EGFLAM: variants seen among roughly 807,000 people sequenced by gnomAD.
EGFLAM encodes EGF like, fibronectin type III and laminin G domains, also known as pikachurin.
A neutral mutation model predicts 113.1 loss-of-function variants in EGFLAM; 79 were observed. That is an observed-to-expected ratio of 0.70 (90% CI 0.58 to 0.84). The LOEUF (loss-of-function observed/expected upper bound fraction) is 0.84. EGFLAM is among the 40% of genes least tolerant of loss of function. EGFLAM has a pLI of 0.00. For synonymous variants in EGFLAM, 504 were observed against 487.6 expected, an observed-to-expected ratio of 1.03 and a Z score of -0.44; for missense variants, 1,265 against 1,291.6, an observed-to-expected ratio of 0.98 and a Z score of 0.32.
chr5:38,368,255 C>A (rs191705135), intron 5 of EGFLAM, among the ~76,000 whole-genome samples: 1 of 152,304 alleles, frequency 6.6e-6, no homozygotes, highest in East Asian at 1.9e-4. Context: ...AATGTGTTTC[C>A]TTCCACTCAC....
Position 38,265,609 on chromosome 5 carries a change from G to A in EGFLAM, c.97+6758G>A, listed in dbSNP as rs1371182561. Among the ~76,000 whole-genome samples, 7 of 152,214 alleles carry A rather than the reference G, an allele frequency of 4.6e-5. No homozygotes were observed. The East Asian group carries it at 1.2e-3, about 25-fold the overall frequency. On this transcript the variant is annotated intron_variant, in intron 1 of 21. Coordinates refer to ENST00000322350, the MANE Select transcript of EGFLAM (RefSeq NM_152403.4). ...TTTGATTTCACTGATTGTGGACCTCGCCTTCGAGGAAGGACCCCAGGGTGT... is the reference window on the plus strand; with the variant it reads ...TTTGATTTCACTGATTGTGGACCTCACCTTCGAGGAAGGACCCCAGGGTGT...
At chr5:38,313,596 A>G (rs1738512149) in intron 1 of EGFLAM, among the ~76,000 whole-genome samples, 3 of 152,206 alleles carry the variant, frequency 2.0e-5, no homozygotes, top group Admixed American at 6.5e-5. Flanking sequence ...ACTTTCTAAA[A>G]GAGTTTTACC....
intron 6 of EGFLAM, among the ~76,000 whole-genome samples, chr5:38,391,859 C>T (rs894938290): frequency 1.3e-5 from 2 of 151,010 alleles, no homozygotes; most frequent in African/African-American, 4.9e-5. Flanking sequence ...TCACTGCAAA[C>T]TCTACCTCCC....
At chr5:38,306,610 A>G (rs770153494) in intron 1 of EGFLAM, among the ~76,000 whole-genome samples, 1 of 152,174 alleles carries the variant, frequency 6.6e-6, no homozygotes, top group Non-Finnish European at 1.5e-5. Context: ...TATACATTGT[A>G]GTTACATGCG....
intron 1 of EGFLAM, among the ~76,000 whole-genome samples, chr5:38,320,843 A>G (rs1226992098): frequency 6.6e-6 from 1 of 152,126 alleles, no homozygotes; most frequent in Non-Finnish European, 1.5e-5. Flanking sequence ...TTTACCCCTA[A>G]TATGAATTCT....
chr5:38,331,121 T>C (rs1739029599), intron 1 of EGFLAM, among the ~76,000 whole-genome samples: 2 of 152,152 alleles, frequency 1.3e-5, no homozygotes, highest in East Asian at 1.9e-4. Flanking sequence ...TTCAAATTCA[T>C]AGTAAAATTA....
Position 38,436,979 on chromosome 5 carries a change from AC to A in EGFLAM, c.2284-1292del, listed in dbSNP as rs201540346. Among the ~76,000 whole-genome samples, 449 of 152,040 alleles carry A rather than the reference AC, an allele frequency of 3.0e-3. 2 individuals carry two copies. Among genetic ancestry groups the A allele is most frequent in the African/African-American group, 0.01 (428 of 41,450 alleles). On this transcript the variant is annotated intron_variant, in intron 16 of 21. Coordinates refer to ENST00000322350, the MANE Select transcript of EGFLAM (RefSeq NM_152403.4). Reference sequence around the variant, plus strand: ...GAAGTGCCATTGCTAACCTCTTATAACCCCTGGGCAGTGGGGGTTCCCCTGG... The same window carrying A: ...GAAGTGCCATTGCTAACCTCTTATAACCCTGGGCAGTGGGGGTTCCCCTGG...
At chr5:38,454,918 G>C (rs1166243927) in intron 19 of EGFLAM, among the ~76,000 whole-genome samples, 2 of 152,174 alleles carry the variant, frequency 1.3e-5, no homozygotes, top group Non-Finnish European at 2.9e-5. Context: ...GCAAGATTTA[G>C]CAGAAAAAAT....
chr5:38,302,872 G>A (rs961097453), intron 1 of EGFLAM, among the ~76,000 whole-genome samples: 21 of 152,264 alleles, frequency 1.4e-4, no homozygotes, highest in African/African-American at 4.3e-4. Flanking sequence ...CAGGCCATAA[G>A]AGTCTGAGTG....
chr5:38,328,256 C>G (rs1364761252), intron 1 of EGFLAM, among the ~76,000 whole-genome samples: 1 of 152,090 alleles, frequency 6.6e-6, no homozygotes, highest in African/African-American at 2.4e-5. Context: ...ATTAAAGAAC[C>G]AGATCTTACG....
intron 1 of EGFLAM, among the ~76,000 whole-genome samples, chr5:38,318,951 T>C (rs997255814): frequency 6.6e-6 from 1 of 152,144 alleles, no homozygotes; most frequent in African/African-American, 2.4e-5. Context: ...TTCCTGAGGT[T>C]ATCTGAGAGA....
rs573050067 is a variant in EGFLAM at position 38,452,118 on chromosome 5, C to A, written c.2687+660C>A. ...GTGGCGCAATCTCGGCTCACTGCAA[C>A]CTCTGCCTTCTGGGTTCAAGTGATT... On this transcript the variant is annotated intron_variant, in intron 19 of 21. Coordinates refer to ENST00000322350, the MANE Select transcript of EGFLAM (RefSeq NM_152403.4). Among the ~76,000 whole-genome samples, 113 of 150,138 alleles carry A rather than the reference C, an allele frequency of 7.5e-4. No homozygotes were observed. In the South Asian group the frequency reaches 0.016, roughly 22 times the overall value.
intron 19 of EGFLAM, among the ~76,000 whole-genome samples, chr5:38,452,278 C>T (rs147019428): frequency 2.8e-4 from 43 of 152,130 alleles, no homozygotes; most frequent in African/African-American, 7.0e-4. Flanking sequence ...GTGATCCACC[C>T]GCTTCGGCCT....
chr5:38,281,498 G>C (rs1758020306), intron 1 of EGFLAM, among the ~76,000 whole-genome samples: 2 of 152,174 alleles, frequency 1.3e-5, no homozygotes, highest in African/African-American at 4.8e-5. Flanking sequence ...TGGACATTCT[G>C]TGTTTCTGTT....
intron 1 of EGFLAM, among the ~76,000 whole-genome samples, chr5:38,312,984 A>G (rs1215744491): frequency 6.6e-6 from 1 of 152,156 alleles, no homozygotes; most frequent in Non-Finnish European, 1.5e-5. Context: ...GCTACTCGTG[A>G]GTCTGAGGCA....
chr5:38,291,934 A>C (rs1409733216), intron 1 of EGFLAM, among the ~76,000 whole-genome samples: 1 of 152,228 alleles, frequency 6.6e-6, no homozygotes, highest in African/African-American at 2.4e-5. Flanking sequence ...CTCTGCGTCA[A>C]GAAGTAACAG....
intron 1 of EGFLAM, among the ~76,000 whole-genome samples, chr5:38,309,925 G>A (rs1738380337): frequency 6.6e-6 from 1 of 152,186 alleles, no homozygotes; most frequent in African/African-American, 2.4e-5. Flanking sequence ...AAATGCCACT[G>A]CTAGTGTAAT....
chr5:38,307,718 T>C (rs17423367), intron 1 of EGFLAM, among the ~76,000 whole-genome samples: 25,301 of 152,232 alleles, frequency 0.17, 2,230 homozygotes, highest in Middle Eastern at 0.2. Flanking sequence ...TGCATATTAT[T>C]CTCTTGCCAG....
intron 1 of EGFLAM, among the ~76,000 whole-genome samples, chr5:38,314,597 C>T (rs1015019190): frequency 1.3e-5 from 2 of 152,170 alleles, no homozygotes; most frequent in African/African-American, 4.8e-5. Context: ...GCATTGGGTC[C>T]CCTGGACAGG....
Sources: gnomAD v4.1 joint callset for allele counts (sites outside exome capture counted in the v4.1 genomes callset) on GRCh38, gnomAD v4.1.1 for gene constraint, MANE v1.5 for transcripts, NCBI Gene and HGNC (gene_info 2026-07-23, HGNC 2026-07-21) for gene names.